The following ZNF385B variants were observed in gnomAD, a reference collection of about 807,000 sequenced individuals.
ZNF385B encodes the protein zinc finger protein 533.
Under a neutral mutation model 39.2 loss-of-function variants are expected in ZNF385B, and 23 were observed. The ratio of observed to expected loss-of-function variants is 0.59; its 90% CI spans 0.42 to 0.83. The LOEUF (loss-of-function observed/expected upper bound fraction) is 0.83. ZNF385B is among the 40% of genes least tolerant of loss of function. ZNF385B has a pLI of 0.00. For missense variants in ZNF385B, 552 were observed against 598.9 expected (o/e 0.92, Z 0.82); for synonymous variants, 205 against 222.6 (o/e 0.92, Z 0.70).
At chr2:179,778,664 A>T (rs1029599911) in intron 1 of ZNF385B, among the ~76,000 whole-genome samples, 3 of 152,212 alleles carry the variant, frequency 2.0e-5, no homozygotes, top group Admixed American at 2.0e-4. Context: ...ATAGCTTAGT[A>T]TTATTTCCAG....
At chr2:179,591,104 T>TACAC (rs143269141) in intron 3 of ZNF385B, among the ~76,000 whole-genome samples, 2,130 of 149,442 alleles carry the variant, frequency 0.014, 36 homozygotes, top group African/African-American at 0.046. Context: ...ATGATTCATT[T>TACAC]ACACACACAC....
chr2:179,666,056 G>A (rs758485568), intron 3 of ZNF385B, among the ~76,000 whole-genome samples: 7 of 152,098 alleles, frequency 4.6e-5, no homozygotes, highest in Non-Finnish European at 1.0e-4. Flanking sequence ...TGTACAAGTC[G>A]CACAGTTTTG....
intron 6 of ZNF385B, among the ~76,000 whole-genome samples, chr2:179,454,545 C>A (rs1014546489): frequency 3.9e-5 from 6 of 152,108 alleles, no homozygotes; most frequent in African/African-American, 1.2e-4. Context: ...TGGCCTCAGG[C>A]AGGTTCTTCA....
intron 3 of ZNF385B, among the ~76,000 whole-genome samples, chr2:179,626,412 C>T (rs1515272): frequency 6.6e-6 from 1 of 152,154 alleles, no homozygotes; most frequent in African/African-American, 2.4e-5. Flanking sequence ...TTCTTATCTC[C>T]TAAGTATTTG....
At chr2:179,818,919 C>T (rs1401368354) in intron 1 of ZNF385B, among the ~76,000 whole-genome samples, 1 of 152,094 alleles carries the variant, frequency 6.6e-6, no homozygotes, top group Non-Finnish European at 1.5e-5. Flanking sequence ...ATGGCCTCTT[C>T]ACTGGGTAGA....
intron 3 of ZNF385B, among the ~76,000 whole-genome samples, chr2:179,611,111 C>A (rs1371764152): frequency 6.6e-6 from 1 of 152,166 alleles, no homozygotes; most frequent in Non-Finnish European, 1.5e-5. Context: ...GCATCCTTTT[C>A]ATGTTCCATA....
chr2:179,591,368 T>C (rs1687549058), intron 3 of ZNF385B, among the ~76,000 whole-genome samples: 1 of 152,132 alleles, frequency 6.6e-6, no homozygotes, highest in Non-Finnish European at 1.5e-5. Flanking sequence ...ATAGAATATA[T>C]ACCTTATTGA....
chr2:179,561,621 G>GAAAAA (rs142795610), intron 3 of ZNF385B, among the ~76,000 whole-genome samples: 1 of 144,174 alleles, frequency 6.9e-6, no homozygotes, highest in African/African-American at 2.6e-5. Flanking sequence ...TGGCAAAATT[G>GAAAAA]AAAAAAAAAA....
At chr2:179,714,184 G>A in intron 3 of ZNF385B, among the ~76,000 whole-genome samples, 1 of 152,134 alleles carries the variant, frequency 6.6e-6, no homozygotes, top group South Asian at 2.1e-4. Flanking sequence ...AAAAGTAAGG[G>A]GCTGGAATAA....
intron 3 of ZNF385B, among the ~76,000 whole-genome samples, chr2:179,747,456 G>C (rs1328409480): frequency 1.3e-5 from 2 of 152,098 alleles, no homozygotes; most frequent in Non-Finnish European, 2.9e-5. Context: ...ACATTTGAAT[G>C]TATTATGAGA....
chr2:179,828,092 T>A (rs1707779800), intron 1 of ZNF385B, among the ~76,000 whole-genome samples: 2 of 152,208 alleles, frequency 1.3e-5, no homozygotes, highest in Non-Finnish European at 2.9e-5. Flanking sequence ...ATATATCATT[T>A]ATTTATCTAG....
At chr2:179,705,597 G>C (rs551663887) in intron 3 of ZNF385B, among the ~76,000 whole-genome samples, 1 of 152,214 alleles carries the variant, frequency 6.6e-6, no homozygotes, top group Admixed American at 6.5e-5. Flanking sequence ...AGAAACTTTT[G>C]CTCTTTTCTA....
At chr2:179,563,301 T>C (rs1253026410) in intron 3 of ZNF385B, among the ~76,000 whole-genome samples, 1 of 152,196 alleles carries the variant, frequency 6.6e-6, no homozygotes, top group Non-Finnish European at 1.5e-5. Flanking sequence ...AGTGTGGCTA[T>C]GACTGAATGG....
chr2:179,703,975 T>C (rs918333815), intron 3 of ZNF385B, among the ~76,000 whole-genome samples: 4 of 152,202 alleles, frequency 2.6e-5, no homozygotes, highest in Non-Finnish European at 5.9e-5. Flanking sequence ...TTTTCTGTCA[T>C]GCTAAGTGAT....
chr2:179,519,716 A>T (rs889144664), intron 4 of ZNF385B, among the ~76,000 whole-genome samples: 5 of 152,224 alleles, frequency 3.3e-5, no homozygotes, highest in African/African-American at 1.2e-4. Context: ...TGAGCAAAAC[A>T]TTACATAACA....
chr2:179,755,011 C>T (rs1216771027), intron 3 of ZNF385B, among the ~76,000 whole-genome samples: 42 of 151,956 alleles, frequency 2.8e-4, no homozygotes, highest in South Asian at 4.2e-4. Context: ...CTAGTTCTTT[C>T]GATTGTGATG....
intron 3 of ZNF385B, among the ~76,000 whole-genome samples, chr2:179,680,966 G>A (rs1697458375): frequency 6.6e-6 from 1 of 152,026 alleles, no homozygotes; most frequent in African/African-American, 2.4e-5. Context: ...CATCTAGAAA[G>A]TGGCAGTGTT....
intron 4 of ZNF385B, among the ~76,000 whole-genome samples, chr2:179,533,432 AT>A (rs1242876869): frequency 6.6e-6 from 1 of 152,180 alleles, no homozygotes; most frequent in East Asian, 1.9e-4. Context: ...GAGAAAAAAT[AT>A]TTTTTATGCA....
chr2:179,840,718 A>G (rs1037911824), intron 1 of ZNF385B, among the ~76,000 whole-genome samples: 2 of 152,232 alleles, frequency 1.3e-5, no homozygotes, highest in Non-Finnish European at 1.5e-5. Flanking sequence ...TCATTCATCA[A>G]GTACTAGTGA....
Sources: allele counts gnomAD v4.1 joint callset (sites outside exome capture counted in the v4.1 genomes callset), GRCh38; gene constraint gnomAD v4.1.1; transcripts MANE v1.5; gene names NCBI Gene and HGNC (gene_info 2026-07-23, HGNC 2026-07-21).